EYA4: variants seen among roughly 807,000 people sequenced by gnomAD.
EYA4 encodes the protein protein phosphatase EYA4.
Under a neutral mutation model 87.9 loss-of-function variants are expected in EYA4, and 31 were observed. The observed-to-expected ratio is 0.35, with a 90% CI of 0.27 to 0.48. The LOEUF (loss-of-function observed/expected upper bound fraction) is 0.48. Among genes scored for constraint, EYA4 ranks in the 20% least tolerant of loss-of-function variants. The pLI is 0.99. For missense variants in EYA4, 678 were observed against 761.4 expected (o/e 0.89, Z 1.29); for synonymous variants, 263 against 270.6 (o/e 0.97, Z 0.28).
intron 2 of EYA4, among the ~76,000 whole-genome samples, chr6:133,277,935 T>G (rs1045506601): frequency 2.6e-5 from 4 of 152,222 alleles, no homozygotes; most frequent in Non-Finnish European, 5.9e-5. Flanking sequence ...ATTTTATCTC[T>G]TGACTTTCTT....
chr6:133,456,499 A>G (rs1793915781), intron 5 of EYA4, 57 bp from the exon 6 acceptor site: 2 of 1,174,784 alleles, frequency 1.7e-6, no homozygotes, highest in Non-Finnish European at 2.6e-6. Context: ...TAGAACGGAC[A>G]GAGTCTTTGA....
At chr6:133,305,372 G>A (rs990964264) in intron 2 of EYA4, among the ~76,000 whole-genome samples, 1 of 152,160 alleles carries the variant, frequency 6.6e-6, no homozygotes, top group Non-Finnish European at 1.5e-5. Context: ...TAGGGCAAGG[G>A]CACGAGGAAG....
At chr6:133,361,205 G>A (rs956659572) in intron 2 of EYA4, among the ~76,000 whole-genome samples, 1 of 152,196 alleles carries the variant, frequency 6.6e-6, no homozygotes, top group African/African-American at 2.4e-5. Context: ...AACAACTTTA[G>A]AAGAAAGTCA....
intron 2 of EYA4, among the ~76,000 whole-genome samples, chr6:133,287,047 CG>C (rs1022865535): frequency 1.3e-5 from 2 of 151,622 alleles, no homozygotes; most frequent in South Asian, 2.1e-4. Context: ...CTGTGTGTGT[CG>C]GGGGGACCAC....
chr6:133,307,625 C>G (rs1307255980), intron 2 of EYA4, among the ~76,000 whole-genome samples: 1 of 152,110 alleles, frequency 6.6e-6, no homozygotes, highest in Non-Finnish European at 1.5e-5. Flanking sequence ...TGTTTGTTGC[C>G]TTATCCCTAT....
intron 10 of EYA4, 27 bp downstream of exon 10, chr6:133,464,885 T>G (rs373225082): frequency 1.5e-4 from 222 of 1,492,452 alleles, no homozygotes; most frequent in Non-Finnish European, 2.0e-4. Flanking sequence ...TGTTTATGCT[T>G]TTTATATGTA....
chr6:133,401,830 C>G (rs2128516489), intron 3 of EYA4, among the ~76,000 whole-genome samples: 1 of 152,262 alleles, frequency 6.6e-6, no homozygotes, highest in Admixed American at 6.5e-5. Context: ...CAATCCAGGG[C>G]TCACCCCTCT....
chr6:133,310,817 G>A (rs1441840667), intron 2 of EYA4, among the ~76,000 whole-genome samples: 1 of 152,152 alleles, frequency 6.6e-6, no homozygotes, highest in East Asian at 1.9e-4. Flanking sequence ...TAAAGTATTA[G>A]GATAATTTAA....
chr6:133,378,231 T>C (rs1392909455), intron 2 of EYA4, among the ~76,000 whole-genome samples: 1 of 152,078 alleles, frequency 6.6e-6, no homozygotes, highest in East Asian at 1.9e-4. Flanking sequence ...TGTGTGGCCT[T>C]AAGTTGTAAT....
At chr6:133,517,569 T>TGGGTGCAGCGCACC (rs1799710128) in intron 17 of EYA4, among the ~76,000 whole-genome samples, 1 of 150,334 alleles carries the variant, frequency 6.7e-6, no homozygotes, top group African/African-American at 2.4e-5. Flanking sequence ...AACATGAAAG[T>TGGGTGCAGCGCACC]AAATGAATAG....
At chr6:133,410,109 A>C (rs1789077748) in intron 3 of EYA4, among the ~76,000 whole-genome samples, 1 of 152,134 alleles carries the variant, frequency 6.6e-6, no homozygotes, top group African/African-American at 2.4e-5. Context: ...ACCAGTTTAG[A>C]TAGAGATAAT....
Position 133,531,369 on chromosome 6 carries a change from C to A in EYA4, c.*2564C>A. 1 of 602,460 alleles carries A rather than the reference C, an allele frequency of 1.7e-6. No homozygotes were observed. The highest frequency in any genetic ancestry group is 2.4e-5 in the South Asian group (1 of 41,172). 37.3% of individuals were successfully genotyped at this position (602,460 alleles called of 1,614,324 possible). ...CCTTCCCACCTTAGGAATAGAAAAT[C>A]CTCTTCCTTTCTAATCTGAAAAACG... On this transcript the variant is annotated 3_prime_UTR_variant, in exon 20 of 20. Transcript: ENST00000355286.
intron 2 of EYA4, among the ~76,000 whole-genome samples, chr6:133,277,146 G>C: frequency 6.6e-6 from 1 of 152,158 alleles, no homozygotes; most frequent in East Asian, 1.9e-4. Flanking sequence ...GGGATTCTTT[G>C]GGTGTAGACA....
At chr6:133,257,167 G>A (rs752544904) in intron 1 of EYA4, among the ~76,000 whole-genome samples, 2 of 152,044 alleles carry the variant, frequency 1.3e-5, no homozygotes, top group Middle Eastern at 3.2e-3. Flanking sequence ...AATTGATTAA[G>A]GATTTGTTAT....
At chr6:133,501,659 C>G (rs1221663250) in intron 13 of EYA4, among the ~76,000 whole-genome samples, 1 of 152,028 alleles carries the variant, frequency 6.6e-6, no homozygotes, top group Non-Finnish European at 1.5e-5. Context: ...GATGAACTTG[C>G]ATATCTTCTA....
Position 133,509,269 on chromosome 6 carries a change from G to A in EYA4, c.1281+3074G>A, listed in dbSNP as rs541021961. 5.9e-5 allele frequency among the ~76,000 whole-genome samples: 9 copies of A among 151,902 alleles called. No individual in the cohort carries two copies. In the South Asian group the frequency reaches 6.3e-4, roughly 11 times the overall value. On this transcript the variant is annotated intron_variant, in intron 14 of 19. Coordinates refer to ENST00000355286, the MANE Select transcript of EYA4 (RefSeq NM_004100.5). ...CTCTTACAGCCAAAAATTGTCTTGG[G>A]CTCCATAACTGGAATTAAATGATTT...
At chr6:133,399,566 G>T (rs910600116) in intron 3 of EYA4, among the ~76,000 whole-genome samples, 1 of 152,176 alleles carries the variant, frequency 6.6e-6, no homozygotes, top group Admixed American at 6.5e-5. Context: ...ATTCACAGAA[G>T]AATGTCAACT....
chr6:133,274,235 A>G (rs1776981193), intron 1 of EYA4, among the ~76,000 whole-genome samples: 1 of 152,254 alleles, frequency 6.6e-6, no homozygotes, highest in Non-Finnish European at 1.5e-5. Context: ...TATATTTTTA[A>G]AAAGTGAAGA....
intron 11 of EYA4, among the ~76,000 whole-genome samples, chr6:133,470,089 G>T (rs1393613434): frequency 6.6e-6 from 1 of 150,790 alleles, no homozygotes; most frequent in Non-Finnish European, 1.5e-5. Context: ...AAGCTCTTTA[G>T]TTTAATTAGA....
Sources: allele counts gnomAD v4.1 joint callset (sites outside exome capture counted in the v4.1 genomes callset), GRCh38; gene constraint gnomAD v4.1.1; transcripts MANE v1.5; gene names NCBI Gene and HGNC (gene_info 2026-07-23, HGNC 2026-07-21).